The following RANBP17 variants were observed in gnomAD, a reference collection of about 807,000 sequenced individuals.
RANBP17 encodes the protein RAN binding protein 17.
RANBP17 carries 158 observed loss-of-function variants against 141.2 expected under a neutral mutation model. The observed-to-expected ratio is 1.12, with a 90% CI of 0.98 to 1.28. RANBP17 has a LOEUF of 1.28. RANBP17 is among the 50% of genes most tolerant of loss of function. The pLI, the probability that RANBP17 is intolerant of heterozygous loss-of-function variation, is 0.00. For synonymous variants in RANBP17, 430 were observed against 450.0 expected, an observed-to-expected ratio of 0.96 and a Z score of 0.56; for missense variants, 1,438 against 1,290.7, an observed-to-expected ratio of 1.11 and a Z score of -1.75.
intron 14 of RANBP17, among the ~76,000 whole-genome samples, chr5:171,090,142 G>A (rs1786124493): frequency 6.6e-6 from 1 of 152,216 alleles, no homozygotes; most frequent in African/African-American, 2.4e-5. Context: ...ATAGGAAAAT[G>A]TGGAAGAGTT....
chr5:171,135,277 C>T (rs1276031769), intron 14 of RANBP17, among the ~76,000 whole-genome samples: 1 of 129,572 alleles, frequency 7.7e-6, no homozygotes, highest in Non-Finnish European at 1.6e-5. Flanking sequence ...GAGACTCCAT[C>T]TCAAAAAAAA....
intron 14 of RANBP17, among the ~76,000 whole-genome samples, chr5:171,112,363 T>G (rs1755296536): frequency 1.3e-5 from 2 of 152,092 alleles, no homozygotes; most frequent in African/African-American, 4.8e-5. Context: ...GTTTAATTCC[T>G]TGAAAATTTT....
chr5:171,204,885 A>G lies in RANBP17; in HGVS notation c.2143-639A>G, dbSNP rs74939657. Among the ~76,000 whole-genome samples, 1,054 of 152,310 alleles carry G rather than the reference A, an allele frequency of 6.9e-3. 11 individuals are homozygous for G. Among genetic ancestry groups the G allele is most frequent in the African/African-American group, 0.024 (1,017 of 41,570 alleles). ...ATTATTAGCCCCTTTTATAGATGACAAAAGTAAGCCTGATAAATTGCCTTG... is the reference window on the plus strand; with the variant it reads ...ATTATTAGCCCCTTTTATAGATGACGAAAGTAAGCCTGATAAATTGCCTTG... On this transcript the variant is annotated intron_variant, in intron 19 of 27. Coordinates refer to ENST00000523189, the MANE Select transcript of RANBP17 (RefSeq NM_022897.5).
chr5:171,088,343 G>A (rs570179893), intron 14 of RANBP17, among the ~76,000 whole-genome samples: 1 of 152,164 alleles, frequency 6.6e-6, no homozygotes, highest in Non-Finnish European at 1.5e-5. Context: ...CTGTTGGTTT[G>A]GTGGGCTTCC....
intron 14 of RANBP17, among the ~76,000 whole-genome samples, chr5:171,011,427 T>G (rs1366303034): frequency 6.6e-6 from 1 of 152,010 alleles, no homozygotes; most frequent in African/African-American, 2.4e-5. Flanking sequence ...TTTTAATATG[T>G]GTTTAAAAGG....
chr5:171,055,729 CT>C (rs1783298509), intron 14 of RANBP17, among the ~76,000 whole-genome samples: 1 of 151,888 alleles, frequency 6.6e-6, no homozygotes, highest in South Asian at 2.1e-4. Flanking sequence ...CAGGAACCCT[CT>C]ATAGGGACAG....
chr5:171,049,944 G>A (rs1482112359), intron 14 of RANBP17, among the ~76,000 whole-genome samples: 6 of 151,990 alleles, frequency 3.9e-5, no homozygotes, highest in Admixed American at 1.3e-4. Context: ...ATTGCTTTGG[G>A]TATTTGGGCT....
At chr5:171,178,519 C>A (rs1760663718) in intron 16 of RANBP17, among the ~76,000 whole-genome samples, 1 of 152,088 alleles carries the variant, frequency 6.6e-6, no homozygotes, top group South Asian at 2.1e-4. Context: ...GATTTATCAT[C>A]CTTTGGGTTT....
intron 4 of RANBP17, among the ~76,000 whole-genome samples, chr5:170,894,484 T>TCATATATATATATA (rs1581075945): frequency 6.2e-5 from 1 of 16,028 alleles, no homozygotes; most frequent in Non-Finnish European, 1.5e-4. Context: ...AGTACGTGTT[T>TCATATATATATATA]TTTATATATA....
chr5:171,014,327 A>C (rs556720147), intron 14 of RANBP17, among the ~76,000 whole-genome samples: 1 of 152,058 alleles, frequency 6.6e-6, no homozygotes, highest in South Asian at 2.1e-4. Context: ...CATGTACTGC[A>C]ATTATTAGTA....
intron 14 of RANBP17, among the ~76,000 whole-genome samples, chr5:171,160,305 C>A (rs140500556): frequency 1.6e-4 from 25 of 152,172 alleles, no homozygotes; most frequent in Admixed American, 2.6e-4. Context: ...CCTCTCCCCT[C>A]TAACTACTAC....
At chr5:171,226,099 C>T (rs1254490630) in intron 22 of RANBP17, among the ~76,000 whole-genome samples, 3 of 152,182 alleles carry the variant, frequency 2.0e-5, no homozygotes, top group African/African-American at 7.2e-5. Context: ...CTTAGTGCTA[C>T]GATCCGTTCA....
At chr5:171,109,008 A>G (rs1164162761) in intron 14 of RANBP17, among the ~76,000 whole-genome samples, 2 of 152,204 alleles carry the variant, frequency 1.3e-5, no homozygotes, top group Non-Finnish European at 2.9e-5. Context: ...TCACACAGGT[A>G]TACACATCAC....
At chr5:171,114,166 C>T (rs1323524950) in intron 14 of RANBP17, among the ~76,000 whole-genome samples, 3 of 151,930 alleles carry the variant, frequency 2.0e-5, no homozygotes, top group South Asian at 2.1e-4. Context: ...ATTACCAAAG[C>T]GTCCATGTAC....
At chr5:170,874,543 C>T (rs1243423866) in intron 1 of RANBP17, among the ~76,000 whole-genome samples, 1 of 151,814 alleles carries the variant, frequency 6.6e-6, no homozygotes, top group Non-Finnish European at 1.5e-5. Flanking sequence ...TTTAGGATAG[C>T]TCATTATGTT....
chr5:171,194,271 A>G (rs1430519550), intron 18 of RANBP17, among the ~76,000 whole-genome samples: 1 of 152,192 alleles, frequency 6.6e-6, no homozygotes, highest in Admixed American at 6.5e-5. Flanking sequence ...TATATTCAGA[A>G]TATTCATAAA....
chr5:171,016,564 A>G (rs1194020941), intron 14 of RANBP17, among the ~76,000 whole-genome samples: 1 of 151,900 alleles, frequency 6.6e-6, no homozygotes, highest in African/African-American at 2.4e-5. Flanking sequence ...TTTAAGTTCT[A>G]GGGTACATGT....
At position 171,242,676 on chromosome 5, in the gene RANBP17, T is replaced by C; in HGVS notation, c.2638-6T>C. Reference sequence around the variant, plus strand: ...GCTTGACATTTAGTATATCTCTGTGTTGTAGCAATACCGGAAACTGAGCCA... The same window carrying C: ...GCTTGACATTTAGTATATCTCTGTGCTGTAGCAATACCGGAAACTGAGCCA... On this transcript the variant is annotated splice_region_variant and splice_polypyrimidine_tract_variant and intron_variant, in intron 23 of 27. Transcript: ENST00000523189. 1 of 1,613,350 alleles carries C rather than the reference T, an allele frequency of 6.2e-7. No individual in the cohort carries two copies. The highest frequency in any genetic ancestry group is 8.5e-7 in the Non-Finnish European group (1 of 1,179,736).
chr5:171,270,446 G>A (rs1767021122), intron 25 of RANBP17, among the ~76,000 whole-genome samples: 1 of 152,104 alleles, frequency 6.6e-6, no homozygotes, highest in African/African-American at 2.4e-5. Context: ...TTATTAGAAG[G>A]ATAAACTAAA....
Sources: gnomAD v4.1 joint callset for allele counts (sites outside exome capture counted in the v4.1 genomes callset) on GRCh38, gnomAD v4.1.1 for gene constraint, MANE v1.5 for transcripts, NCBI Gene and HGNC (gene_info 2026-07-23, HGNC 2026-07-21) for gene names.